SEMA3A: variants seen among roughly 807,000 people sequenced by gnomAD.
SEMA3A encodes semaphorin-3A.
SEMA3A carries 29 observed loss-of-function variants against 97.9 expected under a neutral mutation model. That is an observed-to-expected ratio of 0.30 (90% CI 0.22 to 0.40). The LOEUF is 0.40. SEMA3A is among the 10% of genes least tolerant of loss of function. The pLI is 1.00. For missense variants in SEMA3A, 763 were observed against 951.3 expected, an observed-to-expected ratio of 0.80 and a Z score of 2.60; for synonymous variants, 321 against 323.7, an observed-to-expected ratio of 0.99 and a Z score of 0.09.
intron 3 of SEMA3A, among the ~76,000 whole-genome samples, chr7:84,255,206 A>G (rs1013853456): frequency 2.6e-5 from 4 of 152,162 alleles, no homozygotes; most frequent in Admixed American, 1.3e-4. Context: ...ATATCAGTTA[A>G]TTTTTTATTG....
At chr7:84,445,556 A>G (rs1465358801) in intron 1 of SEMA3A, among the ~76,000 whole-genome samples, 1 of 150,194 alleles carries the variant, frequency 6.7e-6, no homozygotes, top group African/African-American at 2.4e-5. Flanking sequence ...GAAAGAAATC[A>G]ATAATGAAAG....
chr7:84,168,887 C>A (rs1222492902), intron 1 of SEMA3A, among the ~76,000 whole-genome samples: 1 of 151,604 alleles, frequency 6.6e-6, no homozygotes, highest in Non-Finnish European at 1.5e-5. Context: ...AATTTCTTTT[C>A]TACTTGTATC....
At chr7:84,358,813 T>G (rs1802637747) in intron 2 of SEMA3A, among the ~76,000 whole-genome samples, 1 of 152,168 alleles carries the variant, frequency 6.6e-6, no homozygotes, top group African/African-American at 2.4e-5. Context: ...TTTATTTTGT[T>G]GAACAGTGGT....
In SEMA3A at chr7:84,105,142, A is replaced by G. The variant is rs201370935; in HGVS notation, c.453+5328T>C. ...TCTCAGAAAGACAATCCACCTACCC[A>G]AAAGCAACTCCTTATTGTTTTCCCA... On this transcript the variant is annotated intron_variant, in intron 4 of 16. Coordinates refer to ENST00000265362, the MANE Select transcript of SEMA3A (RefSeq NM_006080.3). Among the ~76,000 whole-genome samples the G allele has an allele frequency of 2.6e-5, 4 of 152,270 alleles. No homozygotes were observed. In the East Asian group the frequency reaches 7.7e-4, roughly 29 times the overall value.
chr7:84,038,504 C>A (rs1213691351), intron 6 of SEMA3A, among the ~76,000 whole-genome samples: 1 of 151,874 alleles, frequency 6.6e-6, no homozygotes, highest in East Asian at 1.9e-4. Context: ...AGAGAAACTG[C>A]AGTTATTCTC....
intron 2 of SEMA3A, among the ~76,000 whole-genome samples, chr7:84,346,036 G>C (rs2116005157): frequency 6.6e-6 from 1 of 152,292 alleles, no homozygotes; most frequent in East Asian, 1.9e-4. Context: ...GCTAGACATG[G>C]ATAACTTGCT....
rs1437512421 is a variant in SEMA3A, at chr7:83,960,746, C to T, written c.*625G>A. The T allele has an allele frequency of 6.6e-6, 1 of 151,836 alleles. No homozygotes were observed. The highest frequency in any genetic ancestry group is 1.5e-5 in the Non-Finnish European group (1 of 67,972). 9.4% of individuals were successfully genotyped at this position (151,836 alleles called of 1,614,324 possible). A position where few individuals can be genotyped will look rare whatever the true frequency, so the allele number is the denominator to read the frequency against. On this transcript the variant is annotated 3_prime_UTR_variant, in exon 17 of 17. Transcript: ENST00000265362. ...AAATTATAGTTTTAATAAAATACAT[C>T]TTTAGATCAAAGCTGAAAGAAGACA...
At chr7:84,060,229 G>A (rs1467580646) in intron 5 of SEMA3A, among the ~76,000 whole-genome samples, 3 of 152,130 alleles carry the variant, frequency 2.0e-5, no homozygotes, top group Non-Finnish European at 4.4e-5. Flanking sequence ...GTAATTGAGA[G>A]GCCATTTTAA....
intron 3 of SEMA3A, among the ~76,000 whole-genome samples, chr7:84,299,164 A>C (rs1049835807): frequency 4.6e-5 from 7 of 151,644 alleles, no homozygotes; most frequent in Non-Finnish European, 1.0e-4. Context: ...CAGACAGCCT[A>C]TTGTGGGGCT....
Position 83,960,078 on chromosome 7 carries a change from G to A in SEMA3A, c.*1293C>T, listed in dbSNP as rs903605250. The A allele has an allele frequency of 1.3e-5, 2 of 152,018 alleles. No homozygotes were observed. Among genetic ancestry groups the A allele is most frequent in the African/African-American group, 4.8e-5 (2 of 41,428 alleles). 9.4% of individuals were successfully genotyped at this position (152,018 alleles called of 1,614,324 possible). On this transcript the variant is annotated 3_prime_UTR_variant, in exon 17 of 17. Coordinates refer to ENST00000265362, the MANE Select transcript of SEMA3A (RefSeq NM_006080.3). Reference sequence around the variant, plus strand: ...AAATAAGGAAAGGTAAGAGGCACCTGATACAGATGTAAATGATTGGAAACT... The same window carrying A: ...AAATAAGGAAAGGTAAGAGGCACCTAATACAGATGTAAATGATTGGAAACT...
At chr7:84,203,502 GTATATA>G (rs1178194583) in intron 3 of SEMA3A, among the ~76,000 whole-genome samples, 27 of 57,014 alleles carry the variant, frequency 4.7e-4, no homozygotes, top group African/African-American at 1.6e-3. Context: ...TTGTGTGTGT[GTATATA>G]TATATATATA....
chr7:84,004,249 C>A (rs1425818842), intron 11 of SEMA3A, among the ~76,000 whole-genome samples: 1 of 151,636 alleles, frequency 6.6e-6, no homozygotes, highest in Non-Finnish European at 1.5e-5. Context: ...AATAATATTA[C>A]TATTAAAAAG....
Position 84,005,552 on chromosome 7 carries a change from T to C in SEMA3A, c.1147A>G (p.Ser383Gly), listed in dbSNP as rs1192418195. 6.2e-7 allele frequency: 1 copy of C among 1,604,914 alleles called. No homozygotes were observed. The highest frequency in any genetic ancestry group is 1.3e-5 in the African/African-American group (1 of 74,752). ...GAGTCAAAACCACCAAATGTTTTGC[T>C]GGGACACTATTAAGATAAAGAGAAA... ...VPYPRPGTCP[S>G]KTFGGFDSTK... The change falls in exon 11 of 17, where the codon AGC becomes GGC. Residue 383 changes from serine to glycine, a missense_variant. By Grantham distance (56) the Ser-to-Gly change is moderately conservative (BLOSUM62 0). Coordinates refer to ENST00000265362, the MANE Select transcript of SEMA3A (RefSeq NM_006080.3).
intron 13 of SEMA3A, among the ~76,000 whole-genome samples, chr7:83,984,608 CTTTTTTTTTT>C (rs371082897): frequency 2.0e-5 from 2 of 98,884 alleles, no homozygotes; most frequent in East Asian, 3.5e-4. Flanking sequence ...GATTTTTCTG[CTTTTTTTTTT>C]TTTTTTTTTT....
chr7:84,411,138 A>G (rs1804252840), intron 1 of SEMA3A, among the ~76,000 whole-genome samples: 1 of 152,090 alleles, frequency 6.6e-6, no homozygotes, highest in Admixed American at 6.6e-5. Flanking sequence ...TATCTTAGAA[A>G]CATCAATGGA....
chr7:84,163,303 G>A (rs1039836594), intron 1 of SEMA3A, among the ~76,000 whole-genome samples: 1 of 152,098 alleles, frequency 6.6e-6, no homozygotes, highest in Non-Finnish European at 1.5e-5. Context: ...GTGAATGGGT[G>A]TACACAGGTA....
In SEMA3A at chr7:83,986,403, A is replaced by G. The variant is rs1789637539; in HGVS notation, c.1453-926T>C. ...GAAGTAACACTCATCAATGCACTTCATTAAGTGTTCTTTCTGGAGCTTATC... is the reference window on the plus strand; with the variant it reads ...GAAGTAACACTCATCAATGCACTTCGTTAAGTGTTCTTTCTGGAGCTTATC... On this transcript the variant is annotated intron_variant, in intron 12 of 16. Transcript: ENST00000265362. Among the ~76,000 whole-genome samples, 3 of 152,208 alleles carry G rather than the reference A, an allele frequency of 2.0e-5. No individual in the cohort carries two copies. The South Asian group carries it at 6.2e-4, about 32-fold the overall frequency.
At chr7:84,047,567 G>A (rs1468674254) in intron 5 of SEMA3A, among the ~76,000 whole-genome samples, 1 of 151,940 alleles carries the variant, frequency 6.6e-6, no homozygotes, top group Admixed American at 6.6e-5. Flanking sequence ...CTTGGAAACA[G>A]AAAGGACCTT....
intron 6 of SEMA3A, among the ~76,000 whole-genome samples, chr7:84,031,096 G>A (rs997923504): frequency 1.5e-4 from 22 of 147,660 alleles, no homozygotes; most frequent in African/African-American, 4.8e-4. Flanking sequence ...AGATGCAAGC[G>A]ATTCCCATGC....
Sources: allele counts gnomAD v4.1 joint callset (sites outside exome capture counted in the v4.1 genomes callset), GRCh38; gene constraint gnomAD v4.1.1; transcripts MANE v1.5; gene names NCBI Gene and HGNC (gene_info 2026-07-23, HGNC 2026-07-21).